The following TMPRSS3 variants were observed in gnomAD, a reference collection of about 807,000 sequenced individuals.
TMPRSS3 encodes transmembrane serine protease 3, also known as transmembrane protease serine 3.
In TMPRSS3, 55 loss-of-function variants were observed where a neutral mutation model predicts 59.6. That is an observed-to-expected ratio of 0.92 (90% CI 0.74 to 1.16). The LOEUF is 1.16. Among genes scored for constraint, TMPRSS3 ranks in the 50% most tolerant of loss-of-function variants. The pLI, the probability that TMPRSS3 is intolerant of heterozygous loss-of-function variation, is 0.00. For synonymous variants in TMPRSS3, 257 were observed against 237.7 expected, an observed-to-expected ratio of 1.08 and a Z score of -0.75; for missense variants, 596 against 579.4, an observed-to-expected ratio of 1.03 and a Z score of -0.29.
chr21:42,390,060 G>A (rs770291321), intron 2 of TMPRSS3, 23 bp from the exon 3 acceptor site: 13 of 1,569,462 alleles, frequency 8.3e-6, no homozygotes, highest in South Asian at 4.4e-5. Flanking sequence ...AAAAGGAAGA[G>A]CAGAAAGCCA....
chr21:42,382,011 A>G (rs1168494477), intron 9 of TMPRSS3, 54 bp downstream of exon 9: 14 of 1,611,764 alleles, frequency 8.7e-6, no homozygotes, highest in Non-Finnish European at 1.1e-5. Context: ...AGCAATTGCA[A>G]ATCCTCTTGA....
intron 2 of TMPRSS3, chr21:42,390,299 C>T (rs567156099): frequency 2.4e-5 from 11 of 466,484 alleles, no homozygotes; most frequent in South Asian, 6.2e-5. Context: ...CAGAAAGACA[C>T]GTTGAGGTCT....
At chr21:42,381,603 C>G (rs225430) in intron 9 of TMPRSS3, among the ~76,000 whole-genome samples, 1 of 152,034 alleles carries the variant, frequency 6.6e-6, no homozygotes, top group Non-Finnish European at 1.5e-5. Flanking sequence ...CTCTTTCTGC[C>G]TCCAGGTGGC....
rs140388341 is a variant in TMPRSS3, at chr21:42,389,997, T to C, written c.135A>G (p.Pro45=). Residue 45 remains proline (P), a synonymous_variant, in exon 3 of 13, where the codon CCA becomes CCG. Transcript: ENST00000644384. ...TGACGATGATTGGAAAAAACTTCAATGGCAGCAGTGACAGGATCTGTGCAG... is the reference window on the plus strand; with the variant it reads ...TGACGATGATTGGAAAAAACTTCAACGGCAGCAGTGACAGGATCTGTGCAG... ...AVAAQILSLL[P]LKFFPIIVIG... 9.3e-6 allele frequency: 15 copies of C among 1,614,202 alleles called. No homozygotes were observed. Among genetic ancestry groups the C allele is most frequent in the African/African-American group, 1.3e-5 (1 of 75,050 alleles).
chr21:42,377,644 A>G (rs917564610), intron 10 of TMPRSS3, among the ~76,000 whole-genome samples: 9 of 152,234 alleles, frequency 5.9e-5, no homozygotes, highest in African/African-American at 1.9e-4. Flanking sequence ...GGACCCCTCC[A>G]ACTCAGCTGG....
chr21:42,388,890 C>T lies in TMPRSS3; in HGVS notation c.322+39G>A, dbSNP rs1432723781. The T allele has an allele frequency of 1.3e-6, 2 of 1,577,684 alleles. No individual in the cohort carries two copies. The highest frequency in any genetic ancestry group is 1.3e-5 in the African/African-American group (1 of 74,330). ...GAAGGGTCAGGGTTGGCTTCTGCTGCTTCCTTCTGTTTCCCCAGGGGAAGA... is the reference window on the plus strand; with the variant it reads ...GAAGGGTCAGGGTTGGCTTCTGCTGTTTCCTTCTGTTTCCCCAGGGGAAGA... On this transcript the variant is annotated intron_variant, in intron 4 of 12. Coordinates refer to ENST00000644384, the MANE Select transcript of TMPRSS3 (RefSeq NM_001256317.3). This position sits in a 1 kb window ranked among gnomAD's most constrained non-coding sequence, Gnocchi z 5.1.
At position 42,376,622 on chromosome 21, in the gene TMPRSS3, G is replaced by C. The variant is rs1366455224; in HGVS notation, c.1110C>G (p.Asn370Lys). 2 of 1,614,132 alleles carry C rather than the reference G, an allele frequency of 1.2e-6. No homozygotes were observed. The highest frequency in any genetic ancestry group is 4.5e-5 in the East Asian group (2 of 44,886). Residue 370 changes from asparagine to lysine, a missense_variant, in exon 11 of 13, where the codon AAC (asparagine) becomes AAG (lysine). Asn to Lys is a moderately conservative substitution (Grantham distance 94). Coordinates refer to ENST00000644384, the MANE Select transcript of TMPRSS3 (RefSeq NM_001256317.3). ...AVPLISNKIC[N>K]HRDVYGGIIS... ...TGATGCCACCGTACACGTCCCTGTG[G>C]TTGCAGATCTTGTTGGAAATCAAAG... is the stretch of plus-strand genomic sequence containing the variant.
At chr21:42,373,906 G>A (rs564182851) in intron 12 of TMPRSS3, among the ~76,000 whole-genome samples, 6 of 152,278 alleles carry the variant, frequency 3.9e-5, no homozygotes, top group East Asian at 3.9e-4. Flanking sequence ...TGGAAGACAC[G>A]GCGGTGGGCT....
At chr21:42,376,403 G>C in intron 11 of TMPRSS3, 138 bp downstream of exon 11, 5 of 1,256,418 alleles carry the variant, frequency 4.0e-6, no homozygotes, top group Non-Finnish European at 5.6e-6. Flanking sequence ...CCAGGAAAAG[G>C]AGTGATATCT....
intron 9 of TMPRSS3, 152 bp from the exon 10 acceptor site, chr21:42,380,364 C>G: frequency 1.4e-6 from 1 of 711,390 alleles, no homozygotes. Context: ...CAGCTCACAG[C>G]AGGAGCCCCT....
chr21:42,377,750 G>A (rs943931942), intron 10 of TMPRSS3, among the ~76,000 whole-genome samples: 1 of 152,202 alleles, frequency 6.6e-6, no homozygotes, highest in African/African-American at 2.4e-5. Flanking sequence ...GCTGCTCTGA[G>A]GAGCACATGG....
At chr21:42,395,520 A>T in intron 1 of TMPRSS3, 52 bp from the exon 2 acceptor site, 1 of 976,662 alleles carries the variant, frequency 1.0e-6, no homozygotes, top group Non-Finnish European at 1.6e-6. Flanking sequence ...TACTTGTAGC[A>T]TCAGGTGCAT....
Position 42,372,404 on chromosome 21 carries a change from A to G in TMPRSS3, c.*358T>C, listed in dbSNP as rs2048763123. 1 of 481,548 alleles carries G rather than the reference A, an allele frequency of 2.1e-6. No individual in the cohort carries two copies. Among genetic ancestry groups the G allele is most frequent in the African/African-American group, 1.9e-5 (1 of 51,350 alleles). 29.8% of individuals were successfully genotyped at this position (481,548 alleles called of 1,614,324 possible). On this transcript the variant is annotated 3_prime_UTR_variant, in exon 13 of 13. Coordinates refer to ENST00000644384, the MANE Select transcript of TMPRSS3 (RefSeq NM_001256317.3). ...GTGAAACCCTGTCTCTACTAAAAAT[A>G]CAAAAATTAGTTGGGTGTGGTGGCG...
intron 11 of TMPRSS3, 78 bp from the exon 12 acceptor site, chr21:42,375,946 G>C: frequency 6.3e-7 from 1 of 1,584,860 alleles, no homozygotes; most frequent in South Asian, 1.1e-5. Flanking sequence ...AGTCTGCCGT[G>C]TGAGGCTGCT....
rs756916585 is a variant in TMPRSS3 at position 42,388,335 on chromosome 21, T to G, written c.446+68A>C. The G allele has an allele frequency of 5.6e-6, 9 of 1,609,030 alleles. No individual in the cohort carries two copies. The highest frequency in any genetic ancestry group is 7.7e-6 in the Non-Finnish European group (9 of 1,175,524). On this transcript the variant is annotated intron_variant, in intron 5 of 12. Coordinates refer to ENST00000644384, the MANE Select transcript of TMPRSS3 (RefSeq NM_001256317.3). This position sits in a 1 kb window ranked among gnomAD's most constrained non-coding sequence, Gnocchi z 5.1. Reference sequence around the variant, plus strand: ...CACCCAATAGTGCCCAACTAAATGGTAGTTGTCTTTCTTTATTGTTATCCT... The same window carrying G: ...CACCCAATAGTGCCCAACTAAATGGGAGTTGTCTTTCTTTATTGTTATCCT...
chr21:42,380,516 G>T (rs376880044), intron 9 of TMPRSS3, among the ~76,000 whole-genome samples: 2 of 152,338 alleles, frequency 1.3e-5, no homozygotes, highest in Non-Finnish European at 2.9e-5. Context: ...TGGGCTGTGC[G>T]GTCTCTGGCT....
intron 2 of TMPRSS3, among the ~76,000 whole-genome samples, chr21:42,392,103 G>A (rs1012533100): frequency 6.6e-6 from 1 of 152,214 alleles, no homozygotes; most frequent in Non-Finnish European, 1.5e-5. Context: ...CAATTGCCCA[G>A]GATGAGACTG....
intron 10 of TMPRSS3, among the ~76,000 whole-genome samples, chr21:42,379,515 C>G (rs528667236): frequency 2.6e-5 from 4 of 152,094 alleles, no homozygotes; most frequent in African/African-American, 7.2e-5. Context: ...ACGGCAGCCA[C>G]GGAAAATGAA....
At chr21:42,374,630 T>C (rs1352053903) in intron 12 of TMPRSS3, among the ~76,000 whole-genome samples, 1 of 152,096 alleles carries the variant, frequency 6.6e-6, no homozygotes, top group African/African-American at 2.4e-5. Flanking sequence ...GCGTGTCTTT[T>C]GGGAGATGAG....
Sources: gnomAD v4.1 joint callset for allele counts (sites outside exome capture counted in the v4.1 genomes callset) on GRCh38, gnomAD v4.1.1 for gene constraint, Gnocchi (gnomAD v3.1) non-coding constraint, MANE v1.5 for transcripts, NCBI Gene and HGNC (gene_info 2026-07-23, HGNC 2026-07-21) for gene names.